Variants in NUP153 observed in about 807,000 individuals in gnomAD.
The protein encoded by NUP153 is nuclear pore complex protein Nup153.
Under a neutral mutation model 134.6 loss-of-function variants are expected in NUP153, and 27 were observed. The ratio of observed to expected loss-of-function variants is 0.20; its 90% CI spans 0.15 to 0.28. The LOEUF is 0.28. Among genes scored for constraint, NUP153 ranks in the 10% least tolerant of loss-of-function variants. NUP153 has a pLI of 1.00. For missense variants in NUP153, 1,821 were observed against 1,731.3 expected, an observed-to-expected ratio of 1.05 and a Z score of -0.92; for synonymous variants, 640 against 623.5, an observed-to-expected ratio of 1.03 and a Z score of -0.40.
At chr6:17,640,577 A>G (rs375598642) in intron 14 of NUP153, among the ~76,000 whole-genome samples, 20 of 152,384 alleles carry the variant, frequency 1.3e-4, no homozygotes, top group African/African-American at 4.3e-4. Context: ...CATAAATTAC[A>G]TAACAGTGAC....
intron 11 of NUP153, 30 bp downstream of exon 11, chr6:17,661,623 C>A (rs753005073): frequency 1.3e-6 from 2 of 1,599,312 alleles, no homozygotes; most frequent in South Asian, 2.3e-5. Flanking sequence ...TTTAAATAAA[C>A]CTCAAGAGTA....
chr6:17,698,354 G>A (rs1025084975), intron 1 of NUP153, among the ~76,000 whole-genome samples: 1 of 152,142 alleles, frequency 6.6e-6, no homozygotes, highest in Non-Finnish European at 1.5e-5. Flanking sequence ...GTGCTTTGGA[G>A]GCCAAGGCAG....
chr6:17,662,350 T>G (rs900982434), intron 9 of NUP153, among the ~76,000 whole-genome samples: 1 of 152,188 alleles, frequency 6.6e-6, no homozygotes, highest in African/African-American at 2.4e-5. Flanking sequence ...ATTACTTTAC[T>G]TATCCCTCTT....
intron 13 of NUP153, among the ~76,000 whole-genome samples, chr6:17,647,039 G>A (rs1305818963): frequency 1.3e-5 from 2 of 151,100 alleles, no homozygotes; most frequent in Non-Finnish European, 2.9e-5. Flanking sequence ...TTACAGGCAT[G>A]AGCCACCGTG....
chr6:17,640,859 G>A (rs751187779), intron 14 of NUP153, among the ~76,000 whole-genome samples: 6 of 152,024 alleles, frequency 3.9e-5, no homozygotes, highest in Non-Finnish European at 5.9e-5. Context: ...CTGGCCTCAG[G>A]TGATCCTCCC....
At chr6:17,645,908 A>G (rs1561871337) in intron 14 of NUP153, among the ~76,000 whole-genome samples, 159 bp downstream of exon 14, 2 of 152,176 alleles carry the variant, frequency 1.3e-5, no homozygotes, top group East Asian at 3.9e-4. Flanking sequence ...AATAAAAAGC[A>G]CCGTCAAAAA....
At chr6:17,633,524 C>A (rs1765367486) in intron 16 of NUP153, among the ~76,000 whole-genome samples, 2 of 152,156 alleles carry the variant, frequency 1.3e-5, no homozygotes, top group Admixed American at 6.5e-5. Context: ...GTAAGATGCT[C>A]ATGGTCTTAA....
Position 17,661,081 on chromosome 6 carries a change from G to A in NUP153, c.1395+572C>T, listed in dbSNP as rs184374657. Among the ~76,000 whole-genome samples the A allele has an allele frequency of 7.7e-4, 117 of 152,240 alleles. 2 individuals carry two copies. In the East Asian group the frequency reaches 0.018, roughly 23 times the overall value. On this transcript the variant is annotated intron_variant, in intron 11 of 21. Coordinates refer to ENST00000262077, the MANE Select transcript of NUP153 (RefSeq NM_005124.4). ...TGTAATCCCAGCACTTTGCAAGGCCGAGGCAGGTGGATCACTTGACATCAG... is the reference window on the plus strand; with the variant it reads ...TGTAATCCCAGCACTTTGCAAGGCCAAGGCAGGTGGATCACTTGACATCAG...
Position 17,699,481 on chromosome 6 carries a change from CAAAAAAA to C in NUP153, c.111+6789_111+6795del, listed in dbSNP as rs147055009. On this transcript the variant is annotated intron_variant, in intron 1 of 21. Transcript: ENST00000262077. Reference sequence around the variant, plus strand: ...CTGGGTGACAGGGCGAGACTCGTCTCAAAAAAAAAAAAAAAAGAAAATACAAGATAAT... The same window carrying C: ...CTGGGTGACAGGGCGAGACTCGTCTCAAAAAAAAAGAAAATACAAGATAAT... Among the ~76,000 whole-genome samples, 3 of 97,562 alleles carry C rather than the reference CAAAAAAA, an allele frequency of 3.1e-5. 1 individual carries two copies. Among genetic ancestry groups the C allele is most frequent in the Admixed American group, 2.2e-4 (2 of 9,050 alleles). 64.0% of individuals were successfully genotyped at this position (97,562 alleles called of 152,430 possible).
chr6:17,629,347 T>C lies in NUP153; in HGVS notation c.2852A>G (p.Lys951Arg). Residue 951 changes from lysine to arginine, a missense_variant, in exon 18 of 22, where the codon AAA (lysine) becomes AGA (arginine). Coordinates refer to ENST00000262077, the MANE Select transcript of NUP153 (RefSeq NM_005124.4). ...GSINPMSEGF[K>R]FSKPIGDFKF... ...AAAATCTCCTATTGGTTTAGAAAAT[T>C]TAAAGCCTTCACTCATGGGGTTTAT... 1 of 1,609,956 alleles carries C rather than the reference T, an allele frequency of 6.2e-7. No homozygotes were observed. Among genetic ancestry groups the C allele is most frequent in the Non-Finnish European group, 8.5e-7 (1 of 1,178,978 alleles).
chr6:17,682,408 T>C (rs1297783495), intron 2 of NUP153, among the ~76,000 whole-genome samples: 1 of 152,086 alleles, frequency 6.6e-6, no homozygotes, highest in Non-Finnish European at 1.5e-5. Context: ...AAGACAACAA[T>C]GAAGTTTGCC....
chr6:17,700,604 C>G (rs756371158), intron 1 of NUP153, among the ~76,000 whole-genome samples: 4 of 152,152 alleles, frequency 2.6e-5, no homozygotes, highest in Non-Finnish European at 5.9e-5. Context: ...CTTTTCAAAT[C>G]TGAGAACACT....
intron 7 of NUP153, 40 bp from the exon 8 acceptor site, chr6:17,669,068 T>C (rs1581733875): frequency 3.0e-6 from 4 of 1,350,948 alleles, no homozygotes; most frequent in Non-Finnish European, 3.0e-6. Flanking sequence ...AGATGGGGAG[T>C]TATGAAAAAT....
chr6:17,658,309 T>C (rs919271981), intron 11 of NUP153, among the ~76,000 whole-genome samples: 1 of 152,152 alleles, frequency 6.6e-6, no homozygotes, highest in South Asian at 2.1e-4. Context: ...GGCACAAAAA[T>C]AGCTTGAACC....
At position 17,616,599 on chromosome 6, in the gene NUP153, G is replaced by C. The variant is rs1764342410; in HGVS notation, c.4271C>G (p.Pro1424Arg). ...VFTFGANSST[P>R]AASAQPSGSG... is the part of the protein sequence containing the mutation. ...GCCTGAAGGCTGGGCTGAGGCTGCA[G>C]GTGTGCTAGAATTTGCACCAAATGT... Residue 1424 changes from proline to arginine, a missense_variant, in exon 21 of 22, where the codon CCT (proline) becomes CGT (arginine). Pro to Arg is a moderately radical substitution (Grantham distance 103). Transcript: ENST00000262077. The C allele has an allele frequency of 6.2e-7, 1 of 1,614,176 alleles. No homozygotes were observed. Among genetic ancestry groups the C allele is most frequent in the Non-Finnish European group, 8.5e-7 (1 of 1,180,020 alleles).
At chr6:17,683,791 G>A (rs1420684634) in intron 2 of NUP153, among the ~76,000 whole-genome samples, 1 of 152,158 alleles carries the variant, frequency 6.6e-6, no homozygotes, top group Non-Finnish European at 1.5e-5. Flanking sequence ...CAAAATCCTA[G>A]ATGGTATCTT....
intron 14 of NUP153, among the ~76,000 whole-genome samples, chr6:17,645,651 C>T (rs910411103): frequency 6.6e-6 from 1 of 152,094 alleles, no homozygotes; most frequent in Non-Finnish European, 1.5e-5. Flanking sequence ...TCACAATCTA[C>T]ATGGGCCTGC....
At position 17,625,913 on chromosome 6, in the gene NUP153, T is replaced by G; in HGVS notation, c.3796A>C (p.Thr1266Pro). Residue 1266 changes from threonine (T) to proline (P), a missense_variant, in exon 19 of 22, where the codon ACA (threonine) becomes CCA (proline). Thr to Pro is a conservative substitution (Grantham distance 38, BLOSUM62 -1). Transcript: ENST00000262077. The surrounding 1 kb of genome is among the most constrained non-coding windows in gnomAD (Gnocchi z 4.7). ...ACAAATGGGGTGACAGCTGTACCTG[T>G]GCTGGATGTGGTTGCTAGTTTGCTA... is the stretch of plus-strand genomic sequence containing the variant. ...QDSKLATTSS[T>P]GTAVTPFVFG... 1 of 1,614,230 alleles carries G rather than the reference T, an allele frequency of 6.2e-7. No homozygotes were observed. The highest frequency in any genetic ancestry group is 8.5e-7 in the Non-Finnish European group (1 of 1,180,038).
chr6:17,630,919 C>T (rs758532466), intron 17 of NUP153, among the ~76,000 whole-genome samples: 6 of 152,086 alleles, frequency 3.9e-5, no homozygotes, highest in Non-Finnish European at 1.5e-5. Context: ...ACTTGACCTA[C>T]TGGCTCAAAA....
Sources: allele counts gnomAD v4.1 joint callset (sites outside exome capture counted in the v4.1 genomes callset), GRCh38; gene constraint gnomAD v4.1.1; non-coding constraint Gnocchi (gnomAD v3.1); transcripts MANE v1.5; gene names NCBI Gene and HGNC (gene_info 2026-07-23, HGNC 2026-07-21).